METTL15: variants seen among roughly 807,000 people sequenced by gnomAD.
METTL15 encodes the protein 12S rRNA N(4)-cytidine methyltransferase METTL15.
Under a neutral mutation model 38.3 loss-of-function variants are expected in METTL15, and 34 were observed. That is an observed-to-expected ratio of 0.89 (90% CI 0.68 to 1.18). The LOEUF is 1.18. Ranked by LOEUF, METTL15 falls within the 50% of genes most tolerant of loss-of-function variation. METTL15 has a pLI of 0.00. For missense variants in METTL15, 438 were observed against 498.4 expected, an observed-to-expected ratio of 0.88 and a Z score of 1.15; for synonymous variants, 162 against 170.9, an observed-to-expected ratio of 0.95 and a Z score of 0.41.
At chr11:28,120,666 T>A (rs1852190479) in intron 3 of METTL15, among the ~76,000 whole-genome samples, 1 of 152,220 alleles carries the variant, frequency 6.6e-6, no homozygotes, top group Admixed American at 6.5e-5. Context: ...TTTGTATCAA[T>A]CACGATGCAG....
chr11:28,311,795 G>A (rs769145569), intron 6 of METTL15, among the ~76,000 whole-genome samples: 12 of 152,352 alleles, frequency 7.9e-5, no homozygotes, highest in East Asian at 3.9e-4. Context: ...TGAATGAAAC[G>A]TAAGTATGAG....
intron 4 of METTL15, among the ~76,000 whole-genome samples, chr11:28,216,718 C>A (rs1034889938): frequency 1.7e-5 from 2 of 117,046 alleles, no homozygotes; most frequent in African/African-American, 3.2e-5. Context: ...CCCCTCCCCC[C>A]ACCCCACAAC....
At chr11:28,220,786 G>C (rs1279466972) in intron 4 of METTL15, among the ~76,000 whole-genome samples, 1 of 152,104 alleles carries the variant, frequency 6.6e-6, no homozygotes. Context: ...GTATTTGCTT[G>C]TCTGTAAAGT....
intron 3 of METTL15, among the ~76,000 whole-genome samples, chr11:28,196,647 A>G (rs1851919869): frequency 6.6e-6 from 1 of 151,920 alleles, no homozygotes; most frequent in African/African-American, 2.4e-5. Context: ...TGGCAAACAA[A>G]TAGTTTGATT....
rs539280677 is a variant in METTL15, at chr11:28,365,114, A to G, written c.*358+3078A>G. On this transcript the variant is annotated intron_variant and NMD_transcript_variant, in intron 5 of 7. Coordinates refer to the METTL15 transcript ENST00000532947. ...TGAGGATTTTTATATATCTATTTTC[A>G]TCAGGGATATTGGCCTGAAGTTTTC... Among the ~76,000 whole-genome samples the G allele has an allele frequency of 1.4e-4, 21 of 152,250 alleles. No homozygotes were observed. In the South Asian group the frequency reaches 1.9e-3, roughly 14 times the overall value.
intron 3 of METTL15, among the ~76,000 whole-genome samples, chr11:28,116,608 A>ATATG (rs1851970375): frequency 6.6e-6 from 1 of 152,220 alleles, no homozygotes; most frequent in African/African-American, 2.4e-5. Context: ...AATTTAAGCT[A>ATATG]TATGTATAAG....
intron 3 of METTL15, among the ~76,000 whole-genome samples, chr11:28,168,166 A>G (rs1013141204): frequency 1.3e-5 from 2 of 151,560 alleles, no homozygotes; most frequent in Non-Finnish European, 2.9e-5. Context: ...CTTTGCCCAT[A>G]TTTATTGAAC....
At chr11:28,498,429 A>C (rs1234875809) in intron 6 of METTL15, among the ~76,000 whole-genome samples, 3 of 152,174 alleles carry the variant, frequency 2.0e-5, no homozygotes, top group Non-Finnish European at 4.4e-5. Context: ...AAGTGCTGGG[A>C]TTACAGGCGT....
intron 3 of METTL15, among the ~76,000 whole-genome samples, chr11:28,147,447 A>G (rs1162195329): frequency 6.6e-6 from 1 of 151,812 alleles, no homozygotes; most frequent in East Asian, 1.9e-4. Flanking sequence ...ATTGAGACAC[A>G]TTTTATAATT....
chr11:28,113,728 T>C, intron 3 of METTL15, 124 bp downstream of exon 3: 1 of 991,552 alleles, frequency 1.0e-6, no homozygotes. Flanking sequence ...CAACTTTTGA[T>C]GGTTGATGCG....
At chr11:28,161,621 T>C (rs1850467034) in intron 3 of METTL15, among the ~76,000 whole-genome samples, 1 of 151,926 alleles carries the variant, frequency 6.6e-6, no homozygotes, top group Non-Finnish European at 1.5e-5. Flanking sequence ...AGAAAATGAG[T>C]TGGGCCTTAT....
In METTL15 at chr11:28,214,467, C is replaced by T. The variant is rs191228921; in HGVS notation, c.407+3269C>T. On this transcript the variant is annotated intron_variant, in intron 4 of 6. Transcript: ENST00000407364. ...GTTATTTAATTAAAACAGTAATACCCGTGGCCTAATGAAGTTTATTTCATG... is the reference window on the plus strand; with the variant it reads ...GTTATTTAATTAAAACAGTAATACCTGTGGCCTAATGAAGTTTATTTCATG... 5.3e-5 allele frequency among the ~76,000 whole-genome samples: 8 copies of T among 152,154 alleles called. No homozygotes were observed. In the East Asian group the frequency reaches 9.7e-4, roughly 18 times the overall value.
rs75153134 is a variant in METTL15 at position 28,488,984 on chromosome 11, C to T, written c.*425-37494C>T. Reference sequence around the variant, plus strand: ...AGCAACTATGTGTTATGGCTACAACCCTCTCTTCTTTTACCTTACCCACAG... The same window carrying T: ...AGCAACTATGTGTTATGGCTACAACTCTCTCTTCTTTTACCTTACCCACAG... On this transcript the variant is annotated intron_variant and NMD_transcript_variant, in intron 6 of 7. Transcript: ENST00000532947. 6.5e-3 allele frequency among the ~76,000 whole-genome samples: 985 copies of T among 152,194 alleles called. 2 individuals carry two copies. Among genetic ancestry groups the T allele is most frequent in the Non-Finnish European group, 0.01 (694 of 67,982 alleles).
intron 4 of METTL15, among the ~76,000 whole-genome samples, chr11:28,246,269 GTATT>G (rs1039352590): frequency 6.6e-6 from 1 of 152,002 alleles, no homozygotes; most frequent in African/African-American, 2.4e-5. Context: ...TTATATGAAT[GTATT>G]AAAATATCAT....
At chr11:28,411,280 A>C (rs1043256424) in intron 5 of METTL15, among the ~76,000 whole-genome samples, 1 of 152,058 alleles carries the variant, frequency 6.6e-6, no homozygotes, top group Non-Finnish European at 1.5e-5. Flanking sequence ...AAAATCGCCA[A>C]TAGCCAAATA....
At chr11:28,423,968 A>T (rs2133423352) in intron 5 of METTL15, among the ~76,000 whole-genome samples, 1 of 152,224 alleles carries the variant, frequency 6.6e-6, no homozygotes, top group East Asian at 1.9e-4. Context: ...TATACCCCAT[A>T]AACATATACT....
At chr11:28,344,230 A>G (rs1336817785) in intron 3 of METTL15, among the ~76,000 whole-genome samples, 1 of 152,162 alleles carries the variant, frequency 6.6e-6, no homozygotes, top group Non-Finnish European at 1.5e-5. Flanking sequence ...ATGACATATG[A>G]ATGCACATAT....
intron 6 of METTL15, among the ~76,000 whole-genome samples, chr11:28,313,271 A>G (rs1305392479): frequency 1.3e-5 from 2 of 152,116 alleles, no homozygotes; most frequent in African/African-American, 4.8e-5. Context: ...TAGGTACTTG[A>G]CAAAAGAAAA....
chr11:28,514,972 A>T (rs1851707317), intron 6 of METTL15, among the ~76,000 whole-genome samples: 1 of 152,228 alleles, frequency 6.6e-6, no homozygotes, highest in Non-Finnish European at 1.5e-5. Context: ...TTGCCAGGTT[A>T]TCTGTGACAT....
Sources: gnomAD v4.1 joint callset for allele counts (sites outside exome capture counted in the v4.1 genomes callset) on GRCh38, gnomAD v4.1.1 for gene constraint, MANE v1.5 for transcripts, NCBI Gene and HGNC (gene_info 2026-07-23, HGNC 2026-07-21) for gene names.